The following DOCK2 variants were observed in gnomAD, a reference collection of about 807,000 sequenced individuals.
DOCK2 encodes dedicator of cytokinesis protein 2.
A neutral mutation model predicts 248.9 loss-of-function variants in DOCK2; 87 were observed. The ratio of observed to expected loss-of-function variants is 0.35; its 90% CI spans 0.29 to 0.42. The LOEUF (loss-of-function observed/expected upper bound fraction) is 0.42. DOCK2 is among the 10% of genes least tolerant of loss of function. The probability of loss-of-function intolerance (pLI) is 1.00; values close to 1 mark genes in which losing one functional copy is unlikely to be tolerated. For synonymous variants in DOCK2, 805 were observed against 821.6 expected (o/e 0.98, Z 0.35); for missense variants, 1,747 against 2,300.2 (o/e 0.76, Z 4.92).
At chr5:169,727,405 G>T (rs1474646969) in intron 22 of DOCK2, among the ~76,000 whole-genome samples, 1 of 152,158 alleles carries the variant, frequency 6.6e-6, no homozygotes, top group Non-Finnish European at 1.5e-5. Flanking sequence ...TCTTGCTGTT[G>T]TGCTGTACCC....
At chr5:170,032,114 C>A (rs1756161138) in intron 34 of DOCK2, among the ~76,000 whole-genome samples, 5 of 151,866 alleles carry the variant, frequency 3.3e-5, no homozygotes, top group African/African-American at 1.2e-4. Context: ...GCAAGCTCCA[C>A]CTCCCGGGTT....
intron 40 of DOCK2, 127 bp from the exon 41 acceptor site, chr5:170,050,129 C>A: frequency 1.6e-6 from 2 of 1,265,786 alleles, no homozygotes; most frequent in African/African-American, 1.5e-5. Flanking sequence ...TGTGGGGAAA[C>A]CAAGAGGAGA....
At chr5:169,692,380 A>C (rs1760358639) in intron 9 of DOCK2, among the ~76,000 whole-genome samples, 1 of 152,228 alleles carries the variant, frequency 6.6e-6, no homozygotes, top group South Asian at 2.1e-4. Context: ...AGGCCGAAGC[A>C]GAAATGACTG....
chr5:170,076,361 A>T (rs1402795483), intron 47 of DOCK2, among the ~76,000 whole-genome samples: 1 of 152,252 alleles, frequency 6.6e-6, no homozygotes, highest in Non-Finnish European at 1.5e-5. Flanking sequence ...CTGATGCAGC[A>T]TCTACTATGT....
chr5:169,957,215 T>G (rs552306440), intron 27 of DOCK2, among the ~76,000 whole-genome samples: 122 of 152,324 alleles, frequency 8.0e-4, no homozygotes, highest in South Asian at 5.6e-3. Context: ...ATGAATGAAT[T>G]AATTAAAATG....
rs759770667 is a variant in DOCK2, at chr5:170,027,923, C to A, written c.3442C>A (p.Gln1148Lys). Residue 1148 changes from glutamine to lysine, a missense_variant, in exon 34 of 52, where the codon CAG (glutamine) becomes AAG (lysine). By Grantham distance (53) the Gln-to-Lys change is moderately conservative. Coordinates refer to ENST00000520908, the MANE Select transcript of DOCK2 (RefSeq NM_004946.3). The part of the protein sequence containing the change: ...HEVEGGRGDE[Q>K]YMQLLESILM... ...GGTAGAAGGGGGCCGAGGCGACGAG[C>A]AGTACATGCAGCTCCTGGAGTCAAT... 23 of 1,613,298 alleles carry A rather than the reference C, an allele frequency of 1.4e-5. 1 individual carries two copies. The South Asian group carries it at 2.5e-4, about 18-fold the overall frequency.
chr5:169,889,749 A>T (rs1380568882), intron 27 of DOCK2, among the ~76,000 whole-genome samples: 1 of 152,268 alleles, frequency 6.6e-6, no homozygotes, highest in African/African-American at 2.4e-5. Flanking sequence ...ATATGTAAAC[A>T]AATGGCTCTG....
At chr5:169,784,222 C>A (rs998327794) in intron 25 of DOCK2, among the ~76,000 whole-genome samples, 3 of 152,012 alleles carry the variant, frequency 2.0e-5, no homozygotes, top group Non-Finnish European at 4.4e-5. Flanking sequence ...CCTGGTAAGA[C>A]TTTCAGGTAA....
chr5:169,961,729 G>A (rs914345560), intron 27 of DOCK2, among the ~76,000 whole-genome samples: 1 of 152,114 alleles, frequency 6.6e-6, no homozygotes, highest in East Asian at 1.9e-4. Context: ...CGTAATCCCA[G>A]CACTTTGGGA....
Position 169,883,540 on chromosome 5 carries a change from G to T in DOCK2, c.2799+42688G>T. 1.9e-6 allele frequency: 3 copies of T among 1,551,664 alleles called. No homozygotes were observed. In the African/African-American group the frequency reaches 4.1e-5, roughly 21 times the overall value. On this transcript the variant is annotated intron_variant, in intron 27 of 51. Coordinates refer to ENST00000520908, the MANE Select transcript of DOCK2 (RefSeq NM_004946.3). Reference sequence around the variant, plus strand: ...GGAGGCTGTTGGCATTTCCACCAGGGACTTACTGGCTGTGAGTCTCTTCCT... The same window carrying T: ...GGAGGCTGTTGGCATTTCCACCAGGTACTTACTGGCTGTGAGTCTCTTCCT...
intron 32 of DOCK2, among the ~76,000 whole-genome samples, chr5:170,014,748 A>T (rs1381127353): frequency 1.3e-5 from 2 of 151,978 alleles, no homozygotes; most frequent in Admixed American, 6.5e-5. Context: ...AGTGGGCAGT[A>T]GGCAGGTGGA....
intron 25 of DOCK2, among the ~76,000 whole-genome samples, chr5:169,767,704 G>A (rs538192265): frequency 6.6e-6 from 1 of 152,166 alleles, no homozygotes; most frequent in African/African-American, 2.4e-5. Context: ...TTTGTCTGTT[G>A]TATAACAGTA....
At chr5:169,762,974 CT>C (rs1173508389) in intron 25 of DOCK2, among the ~76,000 whole-genome samples, 3 of 152,160 alleles carry the variant, frequency 2.0e-5, no homozygotes, top group Non-Finnish European at 4.4e-5. Context: ...TCCAAAATTG[CT>C]GTCTGTATCC....
chr5:169,980,390 G>A (rs1010202062), intron 27 of DOCK2: 1 of 152,142 alleles, frequency 6.6e-6, no homozygotes, highest in African/African-American at 2.4e-5. Context: ...CCTTCATATT[G>A]TAATTTTCAC....
intron 36 of DOCK2, chr5:170,040,825 T>A (rs1380103127): frequency 2.0e-6 from 1 of 491,108 alleles, no homozygotes; most frequent in East Asian, 2.9e-5. Context: ...GTCATAAATA[T>A]TAAGTAATCT....
chr5:170,027,686 C>T (rs1243725858), intron 33 of DOCK2, among the ~76,000 whole-genome samples, 177 bp from the exon 34 acceptor site: 27 of 152,330 alleles, frequency 1.8e-4, no homozygotes, highest in Non-Finnish European at 2.9e-5. Flanking sequence ...CCTTCACTCT[C>T]TGGGCACTCC....
At chr5:169,800,403 C>T (rs1766894301) in intron 25 of DOCK2, among the ~76,000 whole-genome samples, 1 of 152,218 alleles carries the variant, frequency 6.6e-6, no homozygotes, top group Non-Finnish European at 1.5e-5. Context: ...TCAAATGCCA[C>T]CTCCTCCATT....
At chr5:169,802,256 G>T (rs908515118) in intron 25 of DOCK2, among the ~76,000 whole-genome samples, 2 of 152,246 alleles carry the variant, frequency 1.3e-5, no homozygotes, top group African/African-American at 4.8e-5. Context: ...CCATTTCCTG[G>T]GTTCAAGTGA....
At chr5:169,992,063 T>C (rs531946805) in intron 29 of DOCK2, among the ~76,000 whole-genome samples, 1 of 152,334 alleles carries the variant, frequency 6.6e-6, no homozygotes, top group South Asian at 2.1e-4. Flanking sequence ...AGAACTGCCC[T>C]GTGGTTAAAT....
Sources: allele counts gnomAD v4.1 joint callset (sites outside exome capture counted in the v4.1 genomes callset), GRCh38; gene constraint gnomAD v4.1.1; transcripts MANE v1.5; gene names NCBI Gene and HGNC (gene_info 2026-07-23, HGNC 2026-07-21).